CUEDC2: variants seen among roughly 807,000 people sequenced by gnomAD.
The protein encoded by CUEDC2 is CUE domain containing 2.
Under a neutral mutation model 36.0 loss-of-function variants are expected in CUEDC2, and 10 were observed. The ratio of observed to expected loss-of-function variants is 0.28; its 90% CI spans 0.17 to 0.47. The LOEUF (loss-of-function observed/expected upper bound fraction) is 0.47, where lower values mean the gene tolerates loss of function less well. Ranked by LOEUF, CUEDC2 falls within the 20% of genes least tolerant of loss-of-function variation. CUEDC2 has a pLI of 0.99. For missense variants in CUEDC2, 269 were observed against 368.1 expected (o/e 0.73, Z 2.20); for synonymous variants, 133 against 141.8 (o/e 0.94, Z 0.44).
At position 102,425,247 on chromosome 10, in the gene CUEDC2, C is replaced by A. The variant is rs1347827890; in HGVS notation, c.-10-49G>T. 13 of 1,411,266 alleles carry A rather than the reference C, an allele frequency of 9.2e-6. 1 individual carries two copies. The Admixed American group carries it at 2.2e-4, about 24-fold the overall frequency. 87.4% of individuals were successfully genotyped at this position (1,411,266 alleles called of 1,614,324 possible). A position where few individuals can be genotyped will look rare whatever the true frequency, so the allele number is the denominator to read the frequency against. ...CCAGGCCTTCTTCTGCCTGCCCCCACCCACTGGGCCTGGGGGCAGTGGCTC... is the reference window on the plus strand; with the variant it reads ...CCAGGCCTTCTTCTGCCTGCCCCCAACCACTGGGCCTGGGGGCAGTGGCTC... On this transcript the variant is annotated intron_variant, in intron 1 of 8. Transcript: ENST00000369937.
chr10:102,423,587 G>A lies in CUEDC2; in HGVS notation c.718-15C>T. ...TTCTTGGGGGCCTGTCAGGCAATCA[G>A]CAGTGAGTGGCAGAAGCCAGGAGCC... On this transcript the variant is annotated splice_polypyrimidine_tract_variant and intron_variant, in intron 8 of 8. Coordinates refer to ENST00000369937, the MANE Select transcript of CUEDC2 (RefSeq NM_024040.3). This position sits in a 1 kb window ranked among gnomAD's most constrained non-coding sequence, Gnocchi z 5.6. 6.2e-7 allele frequency: 1 copy of A among 1,614,182 alleles called. No homozygotes were observed. The highest frequency in any genetic ancestry group is 8.5e-7 in the Non-Finnish European group (1 of 1,180,026).
chr10:102,423,482 C>G lies in CUEDC2; in HGVS notation c.808G>C (p.Glu270Gln), dbSNP rs774440274. 1 of 1,614,224 alleles carries G rather than the reference C, an allele frequency of 6.2e-7. No homozygotes were observed. The highest frequency in any genetic ancestry group is 8.5e-7 in the Non-Finnish European group (1 of 1,180,038). The change falls in exon 9 of 9, where the codon GAG (glutamate) becomes CAG (glutamine). Residue 270 changes from glutamate to glutamine, a missense_variant. By Grantham distance (29) the Glu-to-Gln change is conservative. Coordinates refer to ENST00000369937, the MANE Select transcript of CUEDC2 (RefSeq NM_024040.3). The surrounding 1 kb of genome is among the most constrained non-coding windows in gnomAD (Gnocchi z 5.6). ...FKDVRNPEAE[E>Q]MKATYINLKP... Reference sequence around the variant, plus strand: ...AGGTTGATGTATGTGGCCTTCATCTCCTCGGCCTCAGGGTTCCGCACATCT... The same window carrying G: ...AGGTTGATGTATGTGGCCTTCATCTGCTCGGCCTCAGGGTTCCGCACATCT...
intron 1 of CUEDC2, among the ~76,000 whole-genome samples, chr10:102,431,185 G>T (rs1239562748): frequency 1.3e-5 from 2 of 152,024 alleles, no homozygotes; most frequent in East Asian, 3.9e-4. Context: ...TGCCATCCAG[G>T]CTGGAGTGCA....
Position 102,423,365 on chromosome 10 carries a change from G to T in CUEDC2, c.*61C>A. On this transcript the variant is annotated 3_prime_UTR_variant, in exon 9 of 9. Coordinates refer to ENST00000369937, the MANE Select transcript of CUEDC2 (RefSeq NM_024040.3). The surrounding 1 kb of genome is among the most constrained non-coding windows in gnomAD (Gnocchi z 5.6). ...TAGGGGGCCCCTGTGTAGGGGTATA[G>T]GGCTCCTGCATCCCTCTGGGATCTG... is the stretch of plus-strand genomic sequence containing the variant. 1.2e-6 allele frequency: 2 copies of T among 1,606,022 alleles called. No individual in the cohort carries two copies. The highest frequency in any genetic ancestry group is 4.5e-5 in the East Asian group (2 of 44,862).
chr10:102,424,344 G>A lies in CUEDC2; in HGVS notation c.331C>T (p.Pro111Ser). 2 of 1,614,136 alleles carry A rather than the reference G, an allele frequency of 1.2e-6. No homozygotes were observed. Among genetic ancestry groups the A allele is most frequent in the East Asian group, 2.2e-5 (1 of 44,876 alleles). Residue 111 changes from proline (P) to serine (S), a missense_variant, in exon 5 of 9, where the codon CCA (proline) becomes TCA (serine). Coordinates refer to ENST00000369937, the MANE Select transcript of CUEDC2 (RefSeq NM_024040.3). This position sits in a 1 kb window ranked among gnomAD's most constrained non-coding sequence, Gnocchi z 4.2. ...ATTTCGGGCCGCTGCAGGGGCTCTG[G>A]GGAGATGGGCACCTGACCTTGGACA... ...SGVQGQVPIS[P>S]EPLQRPEMLK... is the part of the protein sequence containing the mutation.
chr10:102,431,364 G>A (rs574059404), intron 1 of CUEDC2, among the ~76,000 whole-genome samples: 1 of 152,228 alleles, frequency 6.6e-6, no homozygotes, highest in South Asian at 2.1e-4. Context: ...GACTGGTCTC[G>A]AACTCCTGAC....
chr10:102,431,813 C>G (rs2061617460), intron 1 of CUEDC2, among the ~76,000 whole-genome samples: 1 of 152,194 alleles, frequency 6.6e-6, no homozygotes, highest in Admixed American at 6.5e-5. Flanking sequence ...TTCCCAAGGG[C>G]AGCACAGGCC....
Position 102,424,915 on chromosome 10 carries a change from C to A in CUEDC2, c.75-123G>T. On this transcript the variant is annotated intron_variant, in intron 2 of 8. Coordinates refer to ENST00000369937, the MANE Select transcript of CUEDC2 (RefSeq NM_024040.3). This position sits in a 1 kb window ranked among gnomAD's most constrained non-coding sequence, Gnocchi z 4.2. ...ATGAGCTAGACCTTTATCTTTAAGG[C>A]CAGAGAGTATAACCCCCTCCCTCAG... is the stretch of plus-strand genomic sequence containing the variant. 1.8e-6 allele frequency: 2 copies of A among 1,118,526 alleles called. No individual in the cohort carries two copies. The highest frequency in any genetic ancestry group is 2.5e-6 in the Non-Finnish European group (2 of 786,438). 69.3% of individuals were successfully genotyped at this position (1,118,526 alleles called of 1,614,324 possible). A position where few individuals can be genotyped will look rare whatever the true frequency, so the allele number is the denominator to read the frequency against.
At chr10:102,430,213 G>T (rs552299732) in intron 1 of CUEDC2, among the ~76,000 whole-genome samples, 5 of 147,446 alleles carry the variant, frequency 3.4e-5, no homozygotes, top group Non-Finnish European at 3.0e-5. Context: ...TTGTTGCCCA[G>T]GCTAGAGTGC....
chr10:102,429,750 G>A (rs1451619689), intron 1 of CUEDC2, among the ~76,000 whole-genome samples: 1 of 150,626 alleles, frequency 6.6e-6, no homozygotes, highest in Middle Eastern at 3.2e-3. Context: ...TCGAATCCTG[G>A]GCTGTCAGTT....
In CUEDC2 at chr10:102,423,788, C is replaced by T; in HGVS notation, c.656+10G>A. The stretch of plus-strand genomic sequence containing the variant: ...CCTCTAGGGCCCAGCCCAGCCCAGC[C>T]CAGACTCACTTCTGCAGGATGAAGG... On this transcript the variant is annotated intron_variant, in intron 7 of 8. Transcript: ENST00000369937. The surrounding 1 kb of genome is among the most constrained non-coding windows in gnomAD (Gnocchi z 5.6). The T allele has an allele frequency of 6.2e-7, 1 of 1,613,988 alleles. No homozygotes were observed. The highest frequency in any genetic ancestry group is 8.5e-7 in the Non-Finnish European group (1 of 1,179,964).
Position 102,424,927 on chromosome 10 carries a change from A to C in CUEDC2, c.75-135T>G. 9.6e-7 allele frequency: 1 copy of C among 1,042,994 alleles called. No homozygotes were observed. The highest frequency in any genetic ancestry group is 1.4e-6 in the Non-Finnish European group (1 of 718,322). The allele number at this position is 1,042,994 out of a possible 1,614,324, so 64.6% of individuals were successfully genotyped here. On this transcript the variant is annotated intron_variant, in intron 2 of 8. Transcript: ENST00000369937. This position sits in a 1 kb window ranked among gnomAD's most constrained non-coding sequence, Gnocchi z 4.2. ...TTTATCTTTAAGGCCAGAGAGTATA[A>C]CCCCCTCCCTCAGAGCTATGGTTTC... is the stretch of plus-strand genomic sequence containing the variant.
chr10:102,429,821 CTTT>C (rs55659266), intron 1 of CUEDC2, among the ~76,000 whole-genome samples: 19 of 133,070 alleles, frequency 1.4e-4, no homozygotes, highest in Non-Finnish European at 9.7e-5. Flanking sequence ...CAGTTTCTTT[CTTT>C]TTTTTTTTTT....
intron 1 of CUEDC2, among the ~76,000 whole-genome samples, chr10:102,431,439 C>T (rs544336219): frequency 7.9e-5 from 12 of 152,156 alleles, no homozygotes; most frequent in Non-Finnish European, 1.3e-4. Flanking sequence ...CCACCGCGCC[C>T]GGCCGTATTA....
chr10:102,426,643 T>G (rs997120349), intron 1 of CUEDC2, among the ~76,000 whole-genome samples: 1 of 151,944 alleles, frequency 6.6e-6, no homozygotes, highest in African/African-American at 2.4e-5. Flanking sequence ...CTTCTTTTTC[T>G]TTTTTTTAGG....
At chr10:102,430,707 A>T (rs1045569026) in intron 1 of CUEDC2, among the ~76,000 whole-genome samples, 2 of 151,962 alleles carry the variant, frequency 1.3e-5, no homozygotes, top group African/African-American at 4.8e-5. Flanking sequence ...ACCCTTCCCC[A>T]TCCCCGGTAG....
At position 102,424,454 on chromosome 10, in the gene CUEDC2, G is replaced by A. The variant is rs759524051; in HGVS notation, c.280+45C>T. The A allele has an allele frequency of 6.2e-6, 10 of 1,613,948 alleles. No homozygotes were observed. The highest frequency in any genetic ancestry group is 7.6e-6 in the Non-Finnish European group (9 of 1,179,994). ...GGCTCTGGGGAGCAGGCAGTTGGGG[G>A]AGCGGGATTATGAATCACTCAGGTG... On this transcript the variant is annotated intron_variant, in intron 4 of 8. Coordinates refer to ENST00000369937, the MANE Select transcript of CUEDC2 (RefSeq NM_024040.3). The surrounding 1 kb of genome is among the most constrained non-coding windows in gnomAD (Gnocchi z 4.2).
intron 1 of CUEDC2, among the ~76,000 whole-genome samples, chr10:102,426,738 C>T (rs893178927): frequency 2.6e-5 from 4 of 152,082 alleles, no homozygotes; most frequent in African/African-American, 9.7e-5. Flanking sequence ...CTCAAGCCAT[C>T]CTCCTGCCTT....
chr10:102,430,172 T>TTTATTTATTTAC (rs1484243203), intron 1 of CUEDC2, among the ~76,000 whole-genome samples: 53 of 143,790 alleles, frequency 3.7e-4, no homozygotes, highest in African/African-American at 1.3e-3. Context: ...TATTTATTTA[T>TTTATTTATTTAC]TTATTTTACT....
Sources: allele counts gnomAD v4.1 joint callset (sites outside exome capture counted in the v4.1 genomes callset), GRCh38; gene constraint gnomAD v4.1.1; non-coding constraint Gnocchi (gnomAD v3.1); transcripts MANE v1.5; gene names NCBI Gene and HGNC (gene_info 2026-07-23, HGNC 2026-07-21).